The following MUSK variants were observed in gnomAD, a reference collection of about 807,000 sequenced individuals.
MUSK encodes the protein muscle associated receptor tyrosine kinase, also known as muscle, skeletal receptor tyrosine-protein kinase.
A neutral mutation model predicts 88.7 loss-of-function variants in MUSK; 55 were observed. The observed-to-expected ratio is 0.62, with a 90% CI of 0.50 to 0.78. MUSK has a LOEUF of 0.78. Among genes scored for constraint, MUSK ranks in the 30% least tolerant of loss-of-function variants. The pLI is 0.00. For synonymous variants in MUSK, 387 were observed against 391.9 expected, an observed-to-expected ratio of 0.99 and a Z score of 0.15; for missense variants, 1,015 against 1,074.3, an observed-to-expected ratio of 0.94 and a Z score of 0.77.
At chr9:110,785,912 A>C (rs2077850920) in intron 13 of MUSK, among the ~76,000 whole-genome samples, 194 bp downstream of exon 13, 1 of 147,740 alleles carries the variant, frequency 6.8e-6, no homozygotes, top group South Asian at 2.1e-4. Flanking sequence ...ACACACACAT[A>C]TACATATATA....
intron 5 of MUSK, among the ~76,000 whole-genome samples, chr9:110,733,331 A>G (rs1173667383): frequency 6.6e-6 from 1 of 152,102 alleles, no homozygotes; most frequent in African/African-American, 2.4e-5. Context: ...TTTGGTTTTC[A>G]CTGCTATAAG....
chr9:110,712,198 G>A (rs569041515), intron 5 of MUSK, among the ~76,000 whole-genome samples: 602 of 151,234 alleles, frequency 4.0e-3, no homozygotes, highest in Middle Eastern at 0.01. Flanking sequence ...TTGGGGAGAA[G>A]GGTCTCTGCT....
chr9:110,798,098 C>G (rs1261612376), intron 14 of MUSK, among the ~76,000 whole-genome samples: 2 of 152,088 alleles, frequency 1.3e-5, no homozygotes, highest in Non-Finnish European at 2.9e-5. Flanking sequence ...TATTTTTTAT[C>G]AAGTATACAT....
intron 6 of MUSK, among the ~76,000 whole-genome samples, chr9:110,744,028 C>T (rs780038032): frequency 2.4e-4 from 36 of 151,386 alleles, no homozygotes; most frequent in African/African-American, 5.6e-4. Flanking sequence ...AGTGCAGTGG[C>T]GCGATCTCAG....
Position 110,801,730 on chromosome 9 carries a change from G to A in MUSK, c.*742G>A, listed in dbSNP as rs558128183. Reference sequence around the variant, plus strand: ...TCCAGTTTTCTTGAAACAAGTTTTTGTATCTTACTGATTTACCTTTTCCTT... The same window carrying A: ...TCCAGTTTTCTTGAAACAAGTTTTTATATCTTACTGATTTACCTTTTCCTT... On this transcript the variant is annotated 3_prime_UTR_variant, in exon 15 of 15. Transcript: ENST00000374448. 2 of 151,980 alleles carry A rather than the reference G, an allele frequency of 1.3e-5. No individual in the cohort carries two copies. Among genetic ancestry groups the A allele is most frequent in the African/African-American group, 4.8e-5 (2 of 41,400 alleles). 9.4% of individuals were successfully genotyped at this position (151,980 alleles called of 1,614,324 possible).
intron 1 of MUSK, among the ~76,000 whole-genome samples, chr9:110,669,653 TGACAAAC>T (rs2075932277): frequency 2.0e-5 from 3 of 152,110 alleles, no homozygotes; most frequent in African/African-American, 7.2e-5. Context: ...CTTAAGAAAC[TGACAAAC>T]ACCTGTTGCA....
chr9:110,761,700 C>T (rs904132919), intron 7 of MUSK, among the ~76,000 whole-genome samples: 15 of 151,712 alleles, frequency 9.9e-5, no homozygotes, highest in African/African-American at 3.6e-4. Flanking sequence ...CTCAGCCTCC[C>T]ACGTAGCGGG....
chr9:110,806,235 T>C lies in MUSK; in HGVS notation c.*5247T>C, dbSNP rs1242403591. Among the ~76,000 whole-genome samples the C allele has an allele frequency of 6.6e-6, 1 of 152,134 alleles. No individual in the cohort carries two copies. ...ACTCTGACTCAAACTCCCTTTCTTT[T>C]TCCTGAGATATGTTAACTTCTAATG... On this transcript the variant is annotated 3_prime_UTR_variant, in exon 15 of 15. Transcript: ENST00000374448.
rs1161390063 is a variant in MUSK at position 110,688,882 on chromosome 9, G to C, written c.358+1614G>C. Among the ~76,000 whole-genome samples, 4 of 149,042 alleles carry C rather than the reference G, an allele frequency of 2.7e-5. No individual in the cohort carries two copies. The South Asian group carries it at 6.3e-4, about 24-fold the overall frequency. On this transcript the variant is annotated intron_variant, in intron 3 of 14. Coordinates refer to ENST00000374448, the MANE Select transcript of MUSK (RefSeq NM_005592.4). The stretch of plus-strand genomic sequence containing the variant: ...TCCATCATTAATGGGCATTTAGGTT[G>C]TTTGTGTTAACTGTTTTATTGTTTT...
At chr9:110,706,875 A>T (rs1445262842) in intron 5 of MUSK, among the ~76,000 whole-genome samples, 1 of 152,030 alleles carries the variant, frequency 6.6e-6, no homozygotes, top group Non-Finnish European at 1.5e-5. Context: ...ATGGTGGTGC[A>T]CACCTGTAAT....
In MUSK at chr9:110,806,135, G is replaced by A. The variant is rs146112217; in HGVS notation, c.*5147G>A. Among the ~76,000 whole-genome samples, 288 of 152,176 alleles carry A rather than the reference G, an allele frequency of 1.9e-3. No homozygotes were observed. The highest frequency in any genetic ancestry group is 6.7e-3 in the African/African-American group (280 of 41,550). On this transcript the variant is annotated 3_prime_UTR_variant, in exon 15 of 15. Transcript: ENST00000374448. ...CATTTATAGTGTTAGTTCTTCTGGT[G>A]ATTACCAGTGCAATTCTAACAAATA... is the stretch of plus-strand genomic sequence containing the variant.
At chr9:110,788,956 G>A (rs2077925283) in intron 14 of MUSK, among the ~76,000 whole-genome samples, 1 of 152,184 alleles carries the variant, frequency 6.6e-6, no homozygotes, top group South Asian at 2.1e-4. Flanking sequence ...GGAATAGCAA[G>A]GAGATGAATG....
At chr9:110,724,207 T>C (rs766871796) in intron 5 of MUSK, among the ~76,000 whole-genome samples, 146 of 152,166 alleles carry the variant, frequency 9.6e-4, no homozygotes, top group Non-Finnish European at 1.5e-3. Flanking sequence ...AAACTCCTTT[T>C]GAACTTCTTT....
chr9:110,674,229 A>G (rs916409029), intron 1 of MUSK, among the ~76,000 whole-genome samples: 1 of 152,194 alleles, frequency 6.6e-6, no homozygotes, highest in Non-Finnish European at 1.5e-5. Context: ...AGCATCCTTC[A>G]TATATTATTT....
intron 7 of MUSK, among the ~76,000 whole-genome samples, chr9:110,756,327 T>C (rs1266875027): frequency 6.6e-6 from 1 of 151,934 alleles, no homozygotes; most frequent in East Asian, 1.9e-4. Flanking sequence ...CAGTCCTTGA[T>C]CTCAATCCCT....
At chr9:110,753,870 T>A (rs2077279540) in intron 7 of MUSK, among the ~76,000 whole-genome samples, 1 of 151,958 alleles carries the variant, frequency 6.6e-6, no homozygotes, top group Admixed American at 6.6e-5. Context: ...AAAAAAAAAA[T>A]GGAACTTTGA....
At chr9:110,686,486 C>T (rs1228796757) in intron 2 of MUSK, among the ~76,000 whole-genome samples, 3 of 152,110 alleles carry the variant, frequency 2.0e-5, no homozygotes, top group African/African-American at 7.2e-5. Flanking sequence ...TTTTATATTG[C>T]TGCTTCTCTT....
chr9:110,753,036 C>T (rs2077267059), intron 7 of MUSK, among the ~76,000 whole-genome samples: 1 of 152,098 alleles, frequency 6.6e-6, no homozygotes, highest in African/African-American at 2.4e-5. Flanking sequence ...GTCATCAGAA[C>T]CCTCAGCCCT....
At chr9:110,710,187 A>C (rs557503247) in intron 5 of MUSK, among the ~76,000 whole-genome samples, 18 of 152,252 alleles carry the variant, frequency 1.2e-4, no homozygotes, top group African/African-American at 4.1e-4. Context: ...TGTTGTGTAG[A>C]TAATACTCTG....
Sources: allele counts gnomAD v4.1 joint callset (sites outside exome capture counted in the v4.1 genomes callset), GRCh38; gene constraint gnomAD v4.1.1; transcripts MANE v1.5; gene names NCBI Gene and HGNC (gene_info 2026-07-23, HGNC 2026-07-21).